Variants in MED12L observed in about 807,000 individuals in gnomAD.
MED12L encodes mediator of RNA polymerase II transcription subunit 12-like protein.
MED12L carries 60 observed loss-of-function variants against 281.3 expected under a neutral mutation model. That is an observed-to-expected ratio of 0.21 (90% CI 0.17 to 0.26). MED12L has a LOEUF of 0.26. Among genes scored for constraint, MED12L ranks in the 10% least tolerant of loss-of-function variants. The pLI, the probability that MED12L is intolerant of heterozygous loss-of-function variation, is 1.00. For synonymous variants in MED12L, 974 were observed against 987.2 expected (o/e 0.99, Z 0.25); for missense variants, 2,146 against 2,680.9 (o/e 0.80, Z 4.41).
chr3:151,218,859 T>C (rs1728755448), intron 16 of MED12L, among the ~76,000 whole-genome samples: 1 of 89,430 alleles, frequency 1.1e-5, no homozygotes, highest in African/African-American at 4.3e-5. Context: ...AGAGCAAGAC[T>C]CAGTCTCAAA....
At chr3:151,121,814 C>T (rs997346968) in intron 3 of MED12L, among the ~76,000 whole-genome samples, 4 of 151,984 alleles carry the variant, frequency 2.6e-5, no homozygotes, top group Admixed American at 2.0e-4. Flanking sequence ...CTCCTGGGTT[C>T]AAGTGATTCT....
intron 16 of MED12L, among the ~76,000 whole-genome samples, chr3:151,193,899 A>T (rs751542685): frequency 2.0e-4 from 31 of 151,736 alleles, no homozygotes; most frequent in Non-Finnish European, 4.4e-4. Flanking sequence ...TTTCTATGTT[A>T]GTATCCTTTT....
At chr3:151,387,200 G>GT (rs35222168) in intron 36 of MED12L, among the ~76,000 whole-genome samples, 44,701 of 148,690 alleles carry the variant, frequency 0.3, 7,380 homozygotes, top group Non-Finnish European at 0.38. Context: ...GAGGGTAACC[G>GT]TTTTTTTTTT....
Position 151,388,165 on chromosome 3 carries a change from G to C in MED12L, c.5444G>C (p.Arg1815Thr). 1 of 1,596,430 alleles carries C rather than the reference G, an allele frequency of 6.3e-7. No homozygotes were observed. The highest frequency in any genetic ancestry group is 8.5e-7 in the Non-Finnish European group (1 of 1,175,902). Reference sequence around the variant, plus strand: ...AAGCGCAAGACGAAATCTAGCTCAAGAGTTGATGTAAGTGGGGAAAGGAAG... The same window carrying C: ...AAGCGCAAGACGAAATCTAGCTCAACAGTTGATGTAAGTGGGGAAAGGAAG... ...GRKRKTKSSS[R>T]VDEYPQSNIY... Residue 1815 changes from arginine (R) to threonine (T), a missense_variant, in exon 37 of 45, where the codon AGA becomes ACA. Physicochemically the swap from Arg to Thr is moderately conservative, Grantham distance 71 (BLOSUM62 -1). Around this residue, in one of 9 missense-constraint regions of MED12L, gnomAD observed 496 missense variants for 512.0 expected, o/e 0.97. Coordinates refer to ENST00000687756, the MANE Select transcript of MED12L (RefSeq NM_001393769.1).
At chr3:151,120,701 A>C (rs1253128725) in intron 3 of MED12L, among the ~76,000 whole-genome samples, 5 of 152,240 alleles carry the variant, frequency 3.3e-5, no homozygotes, top group African/African-American at 1.2e-4. Context: ...AAATGAATCA[A>C]ATTGTTTACT....
intron 12 of MED12L, among the ~76,000 whole-genome samples, chr3:151,187,502 G>C (rs2149082619): frequency 6.6e-6 from 1 of 152,172 alleles, no homozygotes; most frequent in Admixed American, 6.5e-5. Flanking sequence ...CCTTCACAAA[G>C]AGAAAATAGA....
rs746749067 is a variant in MED12L at position 151,328,793 on chromosome 3, G to A, written c.2251-21266G>A. On this transcript the variant is annotated intron_variant, in intron 16 of 44. Transcript: ENST00000687756. ...AAGCATGAGTGTCATTATCAAGTCG[G>A]CCACCAAAGTGTTTTTGAGGTAGAT... is the stretch of plus-strand genomic sequence containing the variant. The A allele has an allele frequency of 4.3e-6, 7 of 1,613,906 alleles. No individual in the cohort carries two copies. In the South Asian group the frequency reaches 7.7e-5, roughly 18 times the overall value.
intron 32 of MED12L, among the ~76,000 whole-genome samples, chr3:151,380,984 G>T (rs16863348): frequency 0.05 from 7,559 of 152,272 alleles, 639 homozygotes; most frequent in African/African-American, 0.17. Flanking sequence ...AAATCAGAAG[G>T]CATGTTGGTT....
chr3:151,294,064 T>C, intron 16 of MED12L: 1 of 745,322 alleles, frequency 1.3e-6, no homozygotes, highest in Non-Finnish European at 2.3e-6. Flanking sequence ...TTTCATATCA[T>C]TTTAGTTCTT....
chr3:151,379,553 A>G (rs1453725005), intron 31 of MED12L, among the ~76,000 whole-genome samples: 1 of 152,202 alleles, frequency 6.6e-6, no homozygotes, highest in African/African-American at 2.4e-5. Flanking sequence ...GCTGCACACT[A>G]GGGGTCGCCA....
At chr3:151,154,117 A>G (rs147490144) in intron 5 of MED12L, among the ~76,000 whole-genome samples, 54 of 152,310 alleles carry the variant, frequency 3.5e-4, no homozygotes, top group Non-Finnish European at 6.0e-4. Context: ...TAAGGAGTAC[A>G]GTACTAGTCA....
chr3:151,131,931 A>G (rs1339156332), intron 5 of MED12L, among the ~76,000 whole-genome samples: 4 of 152,172 alleles, frequency 2.6e-5, no homozygotes, highest in Non-Finnish European at 5.9e-5. Flanking sequence ...AGGTTTAGTC[A>G]CTAGCTGTAT....
chr3:151,432,047 T>C (rs982497010), intron 44 of MED12L, among the ~76,000 whole-genome samples: 1 of 152,226 alleles, frequency 6.6e-6, no homozygotes, highest in Non-Finnish European at 1.5e-5. Flanking sequence ...CACTCCATTG[T>C]TGAAGGGTGG....
At chr3:151,163,836 T>C in intron 8 of MED12L, 57 bp from the exon 9 acceptor site, 2 of 1,547,742 alleles carry the variant, frequency 1.3e-6, no homozygotes, top group Non-Finnish European at 8.8e-7. Context: ...ACTGTTTAGC[T>C]ATTGTTATGC....
At chr3:151,203,851 T>A (rs940167757) in intron 16 of MED12L, among the ~76,000 whole-genome samples, 5 of 152,200 alleles carry the variant, frequency 3.3e-5, no homozygotes, top group Admixed American at 6.5e-5. Context: ...TTATAATTTT[T>A]CATTGAAGAA....
At chr3:151,337,108 AT>A (rs1389118773) in intron 16 of MED12L, 1 of 152,098 alleles carries the variant, frequency 6.6e-6, no homozygotes, top group East Asian at 1.9e-4. Context: ...AATTAAGGAA[AT>A]ATTTCTATAT....
intron 17 of MED12L, 71 bp from the exon 18 acceptor site, chr3:151,355,050 A>G: frequency 9.0e-7 from 1 of 1,111,504 alleles, no homozygotes; most frequent in South Asian, 1.3e-5. Flanking sequence ...ACTTTAAAAA[A>G]AAGTATCCAT....
At chr3:151,413,981 C>T (rs1717262604) in intron 42 of MED12L, among the ~76,000 whole-genome samples, 1 of 151,816 alleles carries the variant, frequency 6.6e-6, no homozygotes, top group Non-Finnish European at 1.5e-5. Context: ...TCCTGAGTAG[C>T]AGGGATTACA....
chr3:151,101,605 C>T (rs1005498256), intron 2 of MED12L, among the ~76,000 whole-genome samples: 6 of 150,872 alleles, frequency 4.0e-5, no homozygotes, highest in African/African-American at 1.5e-4. Context: ...GTGGGACATG[C>T]TGTATCCTCT....
Sources: allele counts gnomAD v4.1 joint callset (sites outside exome capture counted in the v4.1 genomes callset), GRCh38; gene constraint gnomAD v4.1.1; regional missense constraint gnomAD v4.1.1; transcripts MANE v1.5; gene names NCBI Gene and HGNC (gene_info 2026-07-23, HGNC 2026-07-21).